TNIK: variants seen among roughly 807,000 people sequenced by gnomAD.
TNIK encodes the protein TRAF2 and NCK interacting kinase.
A neutral mutation model predicts 191.3 loss-of-function variants in TNIK; 49 were observed. The observed-to-expected ratio is 0.26, with a 90% CI of 0.20 to 0.32. The LOEUF (loss-of-function observed/expected upper bound fraction) is 0.32. Ranked by LOEUF, TNIK falls within the 10% of genes least tolerant of loss-of-function variation. The pLI, the probability that TNIK is intolerant of heterozygous loss-of-function variation, is 1.00. For synonymous variants in TNIK, 594 were observed against 600.9 expected (o/e 0.99, Z 0.17); for missense variants, 1,155 against 1,702.3 (o/e 0.68, Z 5.66).
At chr3:171,445,104 T>G (rs1449801150) in intron 1 of TNIK, among the ~76,000 whole-genome samples, 1 of 152,060 alleles carries the variant, frequency 6.6e-6, no homozygotes, top group African/African-American at 2.4e-5. Context: ...ACGCAAAAGT[T>G]GCTGGTCCCC....
chr3:171,114,835 G>A (rs1475675893), intron 18 of TNIK, among the ~76,000 whole-genome samples: 2 of 152,222 alleles, frequency 1.3e-5, no homozygotes, highest in Middle Eastern at 3.4e-3. Flanking sequence ...AATAGATTTG[G>A]ATCCATACTG....
intron 1 of TNIK, among the ~76,000 whole-genome samples, chr3:171,424,636 T>C: frequency 6.6e-6 from 1 of 152,020 alleles, no homozygotes. Context: ...ATATACACCA[T>C]GGAATACAAT....
At chr3:171,097,221 T>A (rs1318676445) in intron 22 of TNIK, among the ~76,000 whole-genome samples, 2 of 152,164 alleles carry the variant, frequency 1.3e-5, no homozygotes, top group African/African-American at 4.8e-5. Context: ...ATGAACAACT[T>A]CAGTGAGGAG....
chr3:171,082,517 A>G (rs994576851), intron 26 of TNIK, 123 bp from the exon 27 acceptor site: 5 of 1,041,272 alleles, frequency 4.8e-6, no homozygotes, highest in Non-Finnish European at 6.8e-6. Context: ...AAGTAGGTAA[A>G]TATAAACTAA....
chr3:171,442,111 T>C (rs1292266331), intron 1 of TNIK, among the ~76,000 whole-genome samples: 1 of 152,202 alleles, frequency 6.6e-6, no homozygotes, highest in African/African-American at 2.4e-5. Context: ...AAATGTTCCT[T>C]GCAAACTAAA....
intron 12 of TNIK, 46 bp from the exon 13 acceptor site, chr3:171,140,555 G>A (rs771117273): frequency 5.7e-6 from 9 of 1,579,554 alleles, no homozygotes; most frequent in East Asian, 2.2e-5. Context: ...AGGCCCCGGT[G>A]GGGGGTGTCA....
intron 2 of TNIK, among the ~76,000 whole-genome samples, chr3:171,246,439 CA>C (rs1745602242): frequency 6.6e-6 from 1 of 152,144 alleles, no homozygotes; most frequent in Non-Finnish European, 1.5e-5. Context: ...TCTACTATGT[CA>C]GGTTCTGTTA....
intron 24 of TNIK, among the ~76,000 whole-genome samples, chr3:171,086,278 A>T (rs1241310243): frequency 3.3e-5 from 5 of 152,214 alleles, no homozygotes; most frequent in Non-Finnish European, 5.9e-5. Context: ...ATGAAATCAA[A>T]ACCATTTCAT....
intron 10 of TNIK, among the ~76,000 whole-genome samples, chr3:171,162,655 C>T (rs1734152663): frequency 6.6e-6 from 1 of 152,120 alleles, no homozygotes; most frequent in Non-Finnish European, 1.5e-5. Flanking sequence ...ATCTCCCACA[C>T]CAGTCACTAC....
Position 171,449,590 on chromosome 3 carries a change from T to C in TNIK, c.57+10417A>G, listed in dbSNP as rs538504784. Among the ~76,000 whole-genome samples, 27 of 151,472 alleles carry C rather than the reference T, an allele frequency of 1.8e-4. No individual in the cohort carries two copies. In the South Asian group the frequency reaches 5.2e-3, roughly 29 times the overall value. ...ACTTTAAAAAAAATCTATTTATCCA[T>C]GCATAGGAAAAAACTACTAAGCCAT... is the stretch of plus-strand genomic sequence containing the variant. On this transcript the variant is annotated intron_variant, in intron 1 of 32. Transcript: ENST00000436636.
At chr3:171,132,407 A>T (rs1287678091) in intron 15 of TNIK, among the ~76,000 whole-genome samples, 3 of 152,220 alleles carry the variant, frequency 2.0e-5, no homozygotes, top group Non-Finnish European at 4.4e-5. Context: ...GAGAAAAAAA[A>T]TAACTGTGGT....
rs1424363770 is a variant in TNIK at position 171,167,243 on chromosome 3, C to G, written c.801G>C (p.Glu267Asp). ...GGCTGTGATTCTTTACCAAGCAGCT[C>G]TCAATAAATGACTGGAATTTTTTTG... ...KWSKKFQSFIESCLVKNHSQR... is the reference protein window; with the variant it reads ...KWSKKFQSFIDSCLVKNHSQR... Residue 267 changes from glutamate to aspartate, a missense_variant, in exon 10 of 33, where the codon GAG (glutamate) becomes GAC (aspartate). By Grantham distance (45) the Glu-to-Asp change is conservative. This residue lies in a region of TNIK where 225 missense variants were observed against 438.9 expected (regional missense o/e 0.51). Coordinates refer to ENST00000436636, the MANE Select transcript of TNIK (RefSeq NM_015028.4). 5.6e-6 allele frequency: 9 copies of G among 1,613,504 alleles called. No individual in the cohort carries two copies. In the East Asian group the frequency reaches 1.8e-4, roughly 32 times the overall value.
intron 3 of TNIK, among the ~76,000 whole-genome samples, chr3:171,221,456 T>A (rs1397583711): frequency 6.6e-6 from 1 of 152,156 alleles, no homozygotes; most frequent in Non-Finnish European, 1.5e-5. Context: ...TCAGAAATCA[T>A]TTATTGGCCA....
chr3:171,430,410 T>A (rs1240191050), intron 1 of TNIK, among the ~76,000 whole-genome samples: 1 of 151,926 alleles, frequency 6.6e-6, no homozygotes, highest in Non-Finnish European at 1.5e-5. Flanking sequence ...GAGGCTGAGG[T>A]GGGAGGATCC....
intron 2 of TNIK, among the ~76,000 whole-genome samples, chr3:171,268,116 C>A (rs1748618623): frequency 6.6e-6 from 1 of 152,122 alleles, no homozygotes; most frequent in Admixed American, 6.5e-5. Flanking sequence ...TAAAATACAA[C>A]CCCTCCTCAT....
rs1259918852 is a variant in TNIK at position 171,063,489 on chromosome 3, A to G, written c.*392T>C. On this transcript the variant is annotated 3_prime_UTR_variant, in exon 33 of 33. Coordinates refer to ENST00000436636, the MANE Select transcript of TNIK (RefSeq NM_015028.4). Reference sequence around the variant, plus strand: ...AATTTAAAAGACTCATTTTCGCAGTATGCATTCTTTCCCCATTCTTGCAGA... The same window carrying G: ...AATTTAAAAGACTCATTTTCGCAGTGTGCATTCTTTCCCCATTCTTGCAGA... The G allele has an allele frequency of 6.2e-6, 1 of 160,306 alleles. No individual in the cohort carries two copies. Among genetic ancestry groups the G allele is most frequent in the East Asian group, 1.8e-4 (1 of 5,426 alleles). 9.9% of individuals were successfully genotyped at this position (160,306 alleles called of 1,614,324 possible). A position where few individuals can be genotyped will look rare whatever the true frequency, so the allele number is the denominator to read the frequency against.
At chr3:171,424,507 C>G (rs574699037) in intron 1 of TNIK, among the ~76,000 whole-genome samples, 1 of 152,266 alleles carries the variant, frequency 6.6e-6, no homozygotes, top group Non-Finnish European at 1.5e-5. Flanking sequence ...GAGTATAAAA[C>G]ATGCTGTTAT....
intron 2 of TNIK, among the ~76,000 whole-genome samples, chr3:171,337,068 C>T (rs1402149156): frequency 6.6e-6 from 1 of 152,192 alleles, no homozygotes; most frequent in Non-Finnish European, 1.5e-5. Context: ...TAATGAAGTA[C>T]CTACTGCCCA....
At chr3:171,395,417 G>A (rs1023878259) in intron 1 of TNIK, among the ~76,000 whole-genome samples, 3 of 152,048 alleles carry the variant, frequency 2.0e-5, no homozygotes, top group Non-Finnish European at 4.4e-5. Context: ...CACTTAACAG[G>A]CCCCTCAAAA....
Sources: gnomAD v4.1 joint callset for allele counts (sites outside exome capture counted in the v4.1 genomes callset) on GRCh38, gnomAD v4.1.1 for gene constraint, gnomAD v4.1.1 regional missense constraint, MANE v1.5 for transcripts, NCBI Gene and HGNC (gene_info 2026-07-23, HGNC 2026-07-21) for gene names.